The following PTPRT variants were observed in gnomAD, a reference collection of about 807,000 sequenced individuals.
The protein encoded by PTPRT is receptor-type tyrosine-protein phosphatase T.
In PTPRT, 56 loss-of-function variants were observed where a neutral mutation model predicts 176.8. That is an observed-to-expected ratio of 0.32 (90% CI 0.26 to 0.40). The LOEUF (loss-of-function observed/expected upper bound fraction) is 0.40. Ranked by LOEUF, PTPRT falls within the 10% of genes least tolerant of loss-of-function variation. PTPRT has a pLI of 1.00. For synonymous variants in PTPRT, 783 were observed against 739.0 expected (o/e 1.06, Z -0.96); for missense variants, 1,540 against 1,908.2 (o/e 0.81, Z 3.60).
At position 42,094,839 on chromosome 20, in the gene PTPRT, G is replaced by A. The variant is rs186354090; in HGVS notation, c.3846+3582C>T. Reference sequence around the variant, plus strand: ...CAGGAGGCGGCAGAGTTGAGATCGCGCCACTGCACTCCAGCCTGGGCGACA... The same window carrying A: ...CAGGAGGCGGCAGAGTTGAGATCGCACCACTGCACTCCAGCCTGGGCGACA... On this transcript the variant is annotated intron_variant, in intron 27 of 30. Transcript: ENST00000373187. Among the ~76,000 whole-genome samples, 9 of 152,224 alleles carry A rather than the reference G, an allele frequency of 5.9e-5. No homozygotes were observed. In the South Asian group the frequency reaches 8.3e-4, roughly 14 times the overall value.
At chr20:43,108,751 A>C (rs2012728879) in intron 1 of PTPRT, among the ~76,000 whole-genome samples, 1 of 152,146 alleles carries the variant, frequency 6.6e-6, no homozygotes, top group South Asian at 2.1e-4. Context: ...AATAATGTGA[A>C]AAGCAAAATA....
At chr20:42,086,938 ATC>A (rs1984027858) in intron 27 of PTPRT, among the ~76,000 whole-genome samples, 1 of 150,304 alleles carries the variant, frequency 6.7e-6, no homozygotes, top group Non-Finnish European at 1.5e-5. Flanking sequence ...CTTTCTATTT[ATC>A]TGGAATTGGA....
At chr20:42,444,458 C>T (rs1273417343) in intron 9 of PTPRT, among the ~76,000 whole-genome samples, 2 of 152,182 alleles carry the variant, frequency 1.3e-5, no homozygotes, top group Non-Finnish European at 2.9e-5. Context: ...TAAAGCCACT[C>T]ACATTTTGGG....
chr20:42,691,174 C>T (rs1021795023), intron 6 of PTPRT, among the ~76,000 whole-genome samples: 1 of 152,218 alleles, frequency 6.6e-6, no homozygotes, highest in African/African-American at 2.4e-5. Context: ...AGGCAACTCA[C>T]TTTCAGAAAG....
chr20:42,108,604 T>C (rs1025366631), intron 23 of PTPRT, among the ~76,000 whole-genome samples: 12 of 152,246 alleles, frequency 7.9e-5, no homozygotes, highest in African/African-American at 2.9e-4. Flanking sequence ...CAAATATTTA[T>C]TGAAAATCTA....
At chr20:42,306,993 A>T (rs2057553139) in intron 12 of PTPRT, among the ~76,000 whole-genome samples, 1 of 152,228 alleles carries the variant, frequency 6.6e-6, no homozygotes, top group East Asian at 1.9e-4. Flanking sequence ...ATGCTCAAGC[A>T]ATTGAAATTC....
rs868741256 is a variant in PTPRT at position 42,209,322 on chromosome 20, C to T, written c.2343-9934G>A. Reference sequence around the variant, plus strand: ...AGAGCAGAACTGAAGGAAATAGAGACACAAAAAACCCTTCAAAAAATTAAT... The same window carrying T: ...AGAGCAGAACTGAAGGAAATAGAGATACAAAAAACCCTTCAAAAAATTAAT... On this transcript the variant is annotated intron_variant, in intron 15 of 30. Transcript: ENST00000373187. Among the ~76,000 whole-genome samples, 286 of 152,010 alleles carry T rather than the reference C, an allele frequency of 1.9e-3. 4 individuals carry two copies. Among genetic ancestry groups the T allele is most frequent in the South Asian group, 0.016 (76 of 4,808 alleles).
At chr20:42,044,551 T>G in the PTPRT span, among the ~76,000 whole-genome samples, 1 of 152,176 alleles carries the variant, frequency 6.6e-6, no homozygotes, top group Non-Finnish European at 1.5e-5. Flanking sequence ...AGTTAAGTCA[T>G]GGGAGTGGTC....
intron 1 of PTPRT, among the ~76,000 whole-genome samples, chr20:43,159,443 A>G (rs1343012577): frequency 6.6e-6 from 1 of 152,158 alleles, no homozygotes; most frequent in East Asian, 1.9e-4. Context: ...TCAGTTTTCC[A>G]TCTATAAAAT....
the PTPRT span, among the ~76,000 whole-genome samples, chr20:42,040,110 CTT>C: frequency 6.6e-6 from 1 of 151,920 alleles, no homozygotes; most frequent in African/African-American, 2.4e-5. Flanking sequence ...TTTTTTATCT[CTT>C]GTCTTGTTGC....
At chr20:42,764,923 C>G (rs1167394509) in intron 5 of PTPRT, among the ~76,000 whole-genome samples, 1 of 152,190 alleles carries the variant, frequency 6.6e-6, no homozygotes, top group Non-Finnish European at 1.5e-5. Flanking sequence ...CCCCAGAACA[C>G]TCACAGCCTC....
intron 5 of PTPRT, among the ~76,000 whole-genome samples, chr20:42,770,656 ACTCT>A (rs2077049363): frequency 6.6e-6 from 1 of 152,072 alleles, no homozygotes; most frequent in African/African-American, 2.4e-5. Flanking sequence ...ATAAAAAGCG[ACTCT>A]CTAATTTTAC....
At chr20:42,452,578 T>C (rs2070851058) in intron 8 of PTPRT, among the ~76,000 whole-genome samples, 1 of 152,048 alleles carries the variant, frequency 6.6e-6, no homozygotes, top group Admixed American at 6.5e-5. Flanking sequence ...GCAAGCAGAA[T>C]AGAGAGATGA....
At chr20:42,120,854 G>T (rs1483820453) in intron 19 of PTPRT, among the ~76,000 whole-genome samples, 1 of 152,152 alleles carries the variant, frequency 6.6e-6, no homozygotes, top group African/African-American at 2.4e-5. Flanking sequence ...ATGAATAGAT[G>T]AATAAAATTT....
intron 11 of PTPRT, among the ~76,000 whole-genome samples, chr20:42,350,132 A>G (rs2058254252): frequency 6.7e-6 from 1 of 148,834 alleles, no homozygotes; most frequent in Admixed American, 6.7e-5. Flanking sequence ...CAGGCCACCG[A>G]CCCCACTAAC....
intron 7 of PTPRT, among the ~76,000 whole-genome samples, chr20:42,665,316 T>C (rs956185821): frequency 6.6e-6 from 1 of 152,220 alleles, no homozygotes; most frequent in Non-Finnish European, 1.5e-5. Context: ...AAAGAAGACA[T>C]TTATGCAGCC....
rs756776404 is a variant in PTPRT at position 42,804,785 on chromosome 20, C to T, written c.215-13319G>A. On this transcript the variant is annotated intron_variant, in intron 2 of 30. Coordinates refer to ENST00000373187, the MANE Select transcript of PTPRT (RefSeq NM_007050.6). ...TCCTTGGGTTGTAGATGTACCCCTC[C>T]TCCTTATCTCTGCCTTCAGATTCAC... is the stretch of plus-strand genomic sequence containing the variant. Among the ~76,000 whole-genome samples the T allele has an allele frequency of 9.2e-5, 14 of 152,336 alleles. No homozygotes were observed. The Middle Eastern group carries it at 0.017, about 185-fold the overall frequency.
chr20:43,102,764 G>C (rs1240071572), intron 1 of PTPRT, among the ~76,000 whole-genome samples: 1 of 152,136 alleles, frequency 6.6e-6, no homozygotes, highest in African/African-American at 2.4e-5. Flanking sequence ...GGAGCCCCTG[G>C]TTAACCCTCT....
intron 2 of PTPRT, among the ~76,000 whole-genome samples, chr20:42,808,391 C>T (rs1382744614): frequency 1.3e-5 from 2 of 152,100 alleles, no homozygotes; most frequent in Non-Finnish European, 2.9e-5. Context: ...TAAAAACACA[C>T]AGGAATATTC....
Sources: allele counts gnomAD v4.1 joint callset (sites outside exome capture counted in the v4.1 genomes callset), GRCh38; gene constraint gnomAD v4.1.1; transcripts MANE v1.5; gene names NCBI Gene and HGNC (gene_info 2026-07-23, HGNC 2026-07-21).